Variants in DCLK2 observed in about 807,000 individuals in gnomAD.
DCLK2 encodes the protein serine/threonine-protein kinase DCLK2.
Under a neutral mutation model 78.4 loss-of-function variants are expected in DCLK2, and 31 were observed. The observed-to-expected ratio is 0.40, with a 90% CI of 0.30 to 0.53. The LOEUF (loss-of-function observed/expected upper bound fraction) is 0.53, where lower values mean the gene tolerates loss of function less well. Ranked by LOEUF, DCLK2 falls within the 20% of genes least tolerant of loss-of-function variation. DCLK2 has a pLI of 0.61. For missense variants in DCLK2, 872 were observed against 973.7 expected, an observed-to-expected ratio of 0.90 and a Z score of 1.39; for synonymous variants, 407 against 374.9, an observed-to-expected ratio of 1.09 and a Z score of -0.99.
chr4:150,251,881 C>G (rs13123241), intron 15 of DCLK2, among the ~76,000 whole-genome samples: 31,829 of 151,288 alleles, frequency 0.21, 4,385 homozygotes, highest in South Asian at 0.4. Context: ...TGTGGCCACC[C>G]TCTGTGTGTC....
intron 2 of DCLK2, among the ~76,000 whole-genome samples, chr4:150,133,500 A>G (rs938255571): frequency 9.9e-5 from 15 of 152,246 alleles, no homozygotes; most frequent in South Asian, 2.1e-4. Context: ...AAAACCACCT[A>G]TCAACATGGC....
At chr4:150,216,116 A>G (rs554911390) in intron 5 of DCLK2, among the ~76,000 whole-genome samples, 1 of 152,342 alleles carries the variant, frequency 6.6e-6, no homozygotes, top group African/African-American at 2.4e-5. Context: ...AGAACAGAGA[A>G]CAGTTCTTAA....
At chr4:150,240,669 C>T (rs13114631) in intron 12 of DCLK2, among the ~76,000 whole-genome samples, 193 bp downstream of exon 12, 110,983 of 147,422 alleles carry the variant, frequency 0.75, 42,503 homozygotes, top group Non-Finnish European at 0.81. Flanking sequence ...TTAGTGGGTG[C>T]AGCGCACCAG....
chr4:150,222,098 TC>T (rs1741232457), intron 7 of DCLK2, among the ~76,000 whole-genome samples: 2 of 151,962 alleles, frequency 1.3e-5, no homozygotes, highest in African/African-American at 4.8e-5. Flanking sequence ...TGCCAGTGAT[TC>T]TCCCACCTCA....
chr4:150,162,378 G>A (rs1580624436), intron 2 of DCLK2, among the ~76,000 whole-genome samples: 2 of 152,158 alleles, frequency 1.3e-5, no homozygotes. Context: ...GGACAGAGGA[G>A]AAACTTTAGA....
chr4:150,224,980 A>G (rs1335223011), intron 8 of DCLK2, among the ~76,000 whole-genome samples: 1 of 152,190 alleles, frequency 6.6e-6, no homozygotes, highest in Non-Finnish European at 1.5e-5. Context: ...CATGAGCTTC[A>G]TGCTTGCATT....
intron 2 of DCLK2, among the ~76,000 whole-genome samples, chr4:150,170,326 G>C (rs1454740337): frequency 1.3e-5 from 2 of 152,026 alleles, no homozygotes; most frequent in Admixed American, 1.3e-4. Flanking sequence ...TTATAGGCAT[G>C]AGCCACCATG....
intron 2 of DCLK2, among the ~76,000 whole-genome samples, chr4:150,116,557 C>T (rs1732109032): frequency 1.3e-5 from 2 of 152,166 alleles, no homozygotes; most frequent in Middle Eastern, 3.2e-3. Flanking sequence ...AGTGGGTACT[C>T]CAGGCTGGTG....
chr4:150,114,116 T>C (rs966219133), intron 2 of DCLK2, among the ~76,000 whole-genome samples: 1 of 152,202 alleles, frequency 6.6e-6, no homozygotes, highest in African/African-American at 2.4e-5. Context: ...ATACTTGAAG[T>C]AATTTTGATT....
At chr4:150,157,519 T>G (rs887191130) in intron 2 of DCLK2, among the ~76,000 whole-genome samples, 1 of 149,534 alleles carries the variant, frequency 6.7e-6, no homozygotes, top group Non-Finnish European at 1.5e-5. Flanking sequence ...GTTTGTTTGT[T>G]TGTTTGTTTT....
At chr4:150,161,960 C>T (rs778924446) in intron 2 of DCLK2, among the ~76,000 whole-genome samples, 1 of 152,160 alleles carries the variant, frequency 6.6e-6, no homozygotes, top group Non-Finnish European at 1.5e-5. Context: ...GGTCAGACCT[C>T]AGCAGAGTCA....
In DCLK2 at chr4:150,256,580, C is replaced by T. The variant is rs1230488554; in HGVS notation, c.*333C>T. 2 of 289,158 alleles carry T rather than the reference C, an allele frequency of 6.9e-6. No individual in the cohort carries two copies. The highest frequency in any genetic ancestry group is 1.3e-5 in the Non-Finnish European group (2 of 157,368). 17.9% of individuals were successfully genotyped at this position (289,158 alleles called of 1,614,324 possible). On this transcript the variant is annotated 3_prime_UTR_variant, in exon 16 of 16. Coordinates refer to ENST00000296550, the MANE Select transcript of DCLK2 (RefSeq NM_001040260.4). Reference sequence around the variant, plus strand: ...GAATGTGCAACTTTATTCCAGCATTCGATGCATTTTTATAGAAACACTTTG... The same window carrying T: ...GAATGTGCAACTTTATTCCAGCATTTGATGCATTTTTATAGAAACACTTTG...
chr4:150,177,078 C>A (rs920761535), intron 2 of DCLK2, among the ~76,000 whole-genome samples: 1 of 152,168 alleles, frequency 6.6e-6, no homozygotes, highest in Non-Finnish European at 1.5e-5. Flanking sequence ...TTTATGCATT[C>A]CCTGTGAAAC....
chr4:150,167,014 A>C (rs2150252215), intron 2 of DCLK2, among the ~76,000 whole-genome samples: 1 of 152,284 alleles, frequency 6.6e-6, no homozygotes. Flanking sequence ...GCCTGGGTGC[A>C]TTATTCTCAT....
intron 2 of DCLK2, 28 bp downstream of exon 2, chr4:150,102,840 C>T (rs781334423): frequency 6.8e-5 from 106 of 1,558,636 alleles, no homozygotes; most frequent in Non-Finnish European, 9.0e-5. Context: ...CCCAGCTCTC[C>T]ATCTGACTTT....
Position 150,128,118 on chromosome 4 carries a change from C to T in DCLK2, c.756+25306C>T, listed in dbSNP as rs576902591. 9.9e-5 allele frequency among the ~76,000 whole-genome samples: 15 copies of T among 151,824 alleles called. No individual in the cohort carries two copies. In the South Asian group the frequency reaches 2.7e-3, roughly 27 times the overall value. On this transcript the variant is annotated intron_variant, in intron 2 of 15. Transcript: ENST00000296550. ...AGACATTGTTGGATGTTATGACTGGCGTAGGGTGGGGTATGCTACTGGCAT... is the reference window on the plus strand; with the variant it reads ...AGACATTGTTGGATGTTATGACTGGTGTAGGGTGGGGTATGCTACTGGCAT...
intron 2 of DCLK2, among the ~76,000 whole-genome samples, chr4:150,141,514 G>C (rs1256487057): frequency 6.6e-6 from 1 of 152,090 alleles, no homozygotes; most frequent in Non-Finnish European, 1.5e-5. Flanking sequence ...GCACCTGGTG[G>C]GTAGGGCTTT....
intron 15 of DCLK2, among the ~76,000 whole-genome samples, chr4:150,250,474 C>T (rs1043698295): frequency 2.6e-4 from 40 of 152,052 alleles, no homozygotes; most frequent in African/African-American, 9.4e-4. Context: ...TAGAAGCCAG[C>T]CAGCCACCCA....
intron 12 of DCLK2, among the ~76,000 whole-genome samples, chr4:150,243,193 T>C (rs1383483860): frequency 6.6e-6 from 1 of 151,996 alleles, no homozygotes; most frequent in Non-Finnish European, 1.5e-5. Context: ...GGGGAGCAGC[T>C]TTTTTGTGGG....
Sources: gnomAD v4.1 joint callset for allele counts (sites outside exome capture counted in the v4.1 genomes callset) on GRCh38, gnomAD v4.1.1 for gene constraint, MANE v1.5 for transcripts, NCBI Gene and HGNC (gene_info 2026-07-23, HGNC 2026-07-21) for gene names.